ARHGAP22: variants seen among roughly 807,000 people sequenced by gnomAD.
ARHGAP22 encodes rho GTPase-activating protein 22.
Under a neutral mutation model 59.1 loss-of-function variants are expected in ARHGAP22, and 48 were observed. The ratio of observed to expected loss-of-function variants is 0.81; its 90% CI spans 0.64 to 1.03. ARHGAP22 has a LOEUF of 1.03. Ranked by LOEUF, ARHGAP22 falls within the 50% of genes least tolerant of loss-of-function variation. ARHGAP22 has a pLI of 0.00. For missense variants in ARHGAP22, 1,015 were observed against 958.7 expected, an observed-to-expected ratio of 1.06 and a Z score of -0.78; for synonymous variants, 445 against 416.4, an observed-to-expected ratio of 1.07 and a Z score of -0.84.
intron 3 of ARHGAP22, among the ~76,000 whole-genome samples, chr10:48,551,320 A>T (rs1396975661): frequency 1.3e-5 from 2 of 151,970 alleles, no homozygotes. Context: ...GGCCCATGTC[A>T]TCCTCTTTTC....
intron 3 of ARHGAP22, among the ~76,000 whole-genome samples, chr10:48,546,983 T>C (rs956825699): frequency 1.3e-5 from 2 of 152,104 alleles, no homozygotes; most frequent in African/African-American, 4.8e-5. Flanking sequence ...CTCTGTGACT[T>C]GTCAAAACCC....
chr10:48,522,385 G>A (rs1399577703), intron 3 of ARHGAP22, among the ~76,000 whole-genome samples: 1 of 152,270 alleles, frequency 6.6e-6, no homozygotes, highest in African/African-American at 2.4e-5. Context: ...GACTGGTGAA[G>A]CCAGCAGCTG....
At chr10:48,622,147 C>T (rs2061306119) in intron 1 of ARHGAP22, among the ~76,000 whole-genome samples, 1 of 152,180 alleles carries the variant, frequency 6.6e-6, no homozygotes, top group African/African-American at 2.4e-5. Flanking sequence ...TTTAATGTAA[C>T]TGCTGTTAAG....
At chr10:48,610,750 A>G (rs1397073291) in intron 1 of ARHGAP22, among the ~76,000 whole-genome samples, 1 of 152,312 alleles carries the variant, frequency 6.6e-6, no homozygotes, top group African/African-American at 2.4e-5. Context: ...CTCCGAGCAG[A>G]TGACCCGCTG....
chr10:48,628,570 G>C (rs564631904), intron 1 of ARHGAP22, among the ~76,000 whole-genome samples: 43 of 152,200 alleles, frequency 2.8e-4, no homozygotes, highest in Admixed American at 1.8e-3. Flanking sequence ...CTACCACCTT[G>C]AGGCTCCAAA....
At chr10:48,536,709 T>C (rs954451285) in intron 3 of ARHGAP22, among the ~76,000 whole-genome samples, 2 of 152,222 alleles carry the variant, frequency 1.3e-5, no homozygotes, top group Non-Finnish European at 2.9e-5. Context: ...TAGACTCACA[T>C]AGGACAGAAC....
At chr10:48,645,228 T>G (rs1192270755) in intron 1 of ARHGAP22, among the ~76,000 whole-genome samples, 1 of 152,146 alleles carries the variant, frequency 6.6e-6, no homozygotes, top group Non-Finnish European at 1.5e-5. Context: ...CTTCACAACA[T>G]TTTTCAGAAA....
intron 1 of ARHGAP22, among the ~76,000 whole-genome samples, chr10:48,601,204 A>G (rs1449792967): frequency 2.5e-4 from 38 of 152,226 alleles, no homozygotes; most frequent in Non-Finnish European, 1.5e-5. Flanking sequence ...CCTGGGAGCC[A>G]CAACATTCAT....
intron 3 of ARHGAP22, among the ~76,000 whole-genome samples, chr10:48,483,019 G>A (rs778073734): frequency 2.4e-4 from 37 of 151,978 alleles, no homozygotes; most frequent in Middle Eastern, 3.4e-3. Flanking sequence ...CTACATATAA[G>A]TGAGAACATG....
intron 3 of ARHGAP22, among the ~76,000 whole-genome samples, chr10:48,498,325 T>C (rs1009787096): frequency 6.6e-6 from 1 of 152,058 alleles, no homozygotes; most frequent in Non-Finnish European, 1.5e-5. Context: ...CCTTGGGGTG[T>C]GCTGGCGAAC....
At chr10:48,543,761 C>T (rs1187788405) in intron 3 of ARHGAP22, among the ~76,000 whole-genome samples, 1 of 151,686 alleles carries the variant, frequency 6.6e-6, no homozygotes, top group Non-Finnish European at 1.5e-5. Flanking sequence ...TTTAAAGCAA[C>T]ACAACTAAAA....
At chr10:48,485,661 AG>A (rs2049780914) in intron 3 of ARHGAP22, among the ~76,000 whole-genome samples, 1 of 152,192 alleles carries the variant, frequency 6.6e-6, no homozygotes, top group African/African-American at 2.4e-5. Context: ...TTTTTGCTTC[AG>A]GTAGTTTGAA....
intron 3 of ARHGAP22, among the ~76,000 whole-genome samples, chr10:48,549,607 G>T (rs2056739990): frequency 1.3e-5 from 2 of 152,142 alleles, no homozygotes; most frequent in Non-Finnish European, 2.9e-5. Flanking sequence ...TTCCCCTGAG[G>T]CAAGTGGCCT....
chr10:48,591,572 CT>C (rs959119948), intron 1 of ARHGAP22, among the ~76,000 whole-genome samples: 2 of 151,526 alleles, frequency 1.3e-5, no homozygotes, highest in East Asian at 1.9e-4. Flanking sequence ...TAGATAGGTA[CT>C]TTTTTTTTAA....
chr10:48,541,716 C>A (rs1043869107), intron 3 of ARHGAP22, among the ~76,000 whole-genome samples: 4 of 152,162 alleles, frequency 2.6e-5, no homozygotes, highest in Non-Finnish European at 5.9e-5. Flanking sequence ...CCCAGGAAGC[C>A]AAGCTGGTCC....
chr10:48,455,138 TG>T lies in ARHGAP22; in HGVS notation c.660-5del. On this transcript the variant is annotated splice_polypyrimidine_tract_variant and splice_region_variant and intron_variant, in intron 5 of 9. Coordinates refer to ENST00000249601, the MANE Select transcript of ARHGAP22 (RefSeq NM_021226.4). ...CACCGTGTGCACGTCTGTTGTGCTGTGGGGGGGAAGAGGACAGGTGTGTGAG... is the reference window on the plus strand; with the variant it reads ...CACCGTGTGCACGTCTGTTGTGCTGTGGGGGGAAGAGGACAGGTGTGTGAG... 1.9e-6 allele frequency: 3 copies of T among 1,603,902 alleles called. No homozygotes were observed. Among genetic ancestry groups the T allele is most frequent in the Non-Finnish European group, 1.7e-6 (2 of 1,174,162 alleles).
At chr10:48,619,937 C>T (rs1226449391) in intron 1 of ARHGAP22, among the ~76,000 whole-genome samples, 6 of 152,120 alleles carry the variant, frequency 3.9e-5, no homozygotes, top group African/African-American at 1.4e-4. Context: ...AAAATATTTG[C>T]AAACTATGTA....
intron 4 of ARHGAP22, among the ~76,000 whole-genome samples, chr10:48,467,131 T>C (rs1371384177): frequency 6.6e-6 from 1 of 152,192 alleles, no homozygotes; most frequent in Non-Finnish European, 1.5e-5. Flanking sequence ...GCCAGAGATA[T>C]TGGTTTGGAC....
chr10:48,434,972 C>A, the ARHGAP22 span: 1 of 1,603,120 alleles, frequency 6.2e-7, no homozygotes, highest in Non-Finnish European at 8.5e-7. Flanking sequence ...CGACTTTGGC[C>A]TCTGATACAG....
Sources: gnomAD v4.1 joint callset for allele counts (sites outside exome capture counted in the v4.1 genomes callset) on GRCh38, gnomAD v4.1.1 for gene constraint, MANE v1.5 for transcripts, NCBI Gene and HGNC (gene_info 2026-07-23, HGNC 2026-07-21) for gene names.